The following ASAP1 variants were observed in gnomAD, a reference collection of about 807,000 sequenced individuals.
ASAP1 encodes arf-GAP with SH3 domain, ANK repeat and PH domain-containing protein 1.
ASAP1 carries 43 observed loss-of-function variants against 145.2 expected under a neutral mutation model. The observed-to-expected ratio is 0.30, with a 90% CI of 0.23 to 0.38. The LOEUF (loss-of-function observed/expected upper bound fraction) is 0.38, where lower values mean the gene tolerates loss of function less well. Among genes scored for constraint, ASAP1 ranks in the 10% least tolerant of loss-of-function variants. ASAP1 has a pLI of 1.00. For synonymous variants in ASAP1, 546 were observed against 515.5 expected (o/e 1.06, Z -0.80); for missense variants, 1,018 against 1,355.3 (o/e 0.75, Z 3.91).
At position 130,331,474 on chromosome 8, in the gene ASAP1, G is replaced by A. The variant is rs73417906; in HGVS notation, c.186+26543C>T. 3.0e-3 allele frequency among the ~76,000 whole-genome samples: 463 copies of A among 152,324 alleles called. 1 individual carries two copies. The highest frequency in any genetic ancestry group is 0.011 in the African/African-American group (447 of 41,560). On this transcript the variant is annotated intron_variant, in intron 3 of 29. Transcript: ENST00000518721. ...GGGCCCAGAATGTTAAGTAAAGCAA[G>A]TCACACAGTTGCTTAGTCCACAGAC...
intron 18 of ASAP1, 60 bp downstream of exon 18, chr8:130,123,953 A>T: frequency 7.9e-7 from 1 of 1,268,954 alleles, no homozygotes; most frequent in Non-Finnish European, 1.1e-6. Context: ...AGTTTTTTGG[A>T]AGGGTAGAAA....
intron 3 of ASAP1, among the ~76,000 whole-genome samples, chr8:130,328,611 CTT>C (rs35169399): frequency 2.4e-4 from 33 of 137,378 alleles, no homozygotes; most frequent in Admixed American, 3.6e-4. Flanking sequence ...CTCAGTAGTT[CTT>C]TTTTTTTTTT....
At chr8:130,264,773 G>T (rs978270974) in intron 3 of ASAP1, among the ~76,000 whole-genome samples, 1 of 152,088 alleles carries the variant, frequency 6.6e-6, no homozygotes, top group African/African-American at 2.4e-5. Flanking sequence ...GACAGTGCTG[G>T]TGCATCACAA....
chr8:130,088,248 A>T (rs1350804727), intron 25 of ASAP1, among the ~76,000 whole-genome samples: 1 of 152,126 alleles, frequency 6.6e-6, no homozygotes, highest in East Asian at 1.9e-4. Flanking sequence ...CTCCTGTCTT[A>T]GCCTCCCGAG....
intron 2 of ASAP1, among the ~76,000 whole-genome samples, chr8:130,381,096 G>A (rs371665980): frequency 6.6e-6 from 1 of 152,122 alleles, no homozygotes; most frequent in Non-Finnish European, 1.5e-5. Context: ...ATGTCGTCCA[G>A]GCTGGTCTTG....
At chr8:130,314,449 G>A (rs560480136) in intron 3 of ASAP1, among the ~76,000 whole-genome samples, 6 of 152,320 alleles carry the variant, frequency 3.9e-5, no homozygotes, top group African/African-American at 1.4e-4. Flanking sequence ...AGGGAACTGA[G>A]GTTTGCAGAG....
chr8:130,147,948 G>A (rs2097636375), intron 13 of ASAP1, among the ~76,000 whole-genome samples: 1 of 152,350 alleles, frequency 6.6e-6, no homozygotes, highest in Admixed American at 6.5e-5. Flanking sequence ...CGTTGTAAGT[G>A]TTAATCATAA....
At chr8:130,233,917 A>G (rs1294435699) in intron 4 of ASAP1, among the ~76,000 whole-genome samples, 2 of 152,242 alleles carry the variant, frequency 1.3e-5, no homozygotes, top group Non-Finnish European at 2.9e-5. Flanking sequence ...CAAAAAACTC[A>G]TAGGCCAGTG....
chr8:130,330,883 C>T (rs1477526363), intron 3 of ASAP1, among the ~76,000 whole-genome samples: 2 of 152,162 alleles, frequency 1.3e-5, no homozygotes, highest in South Asian at 2.1e-4. Flanking sequence ...CCCAATTCTA[C>T]GATTCTCTGG....
chr8:130,248,322 G>C (rs999647876), intron 3 of ASAP1, among the ~76,000 whole-genome samples: 2 of 152,164 alleles, frequency 1.3e-5, no homozygotes, highest in Non-Finnish European at 2.9e-5. Context: ...TAGGTGTGGG[G>C]ATACCTGGTG....
chr8:130,443,189 T>C (rs1830549571), intron 1 of ASAP1, among the ~76,000 whole-genome samples: 1 of 149,790 alleles, frequency 6.7e-6, no homozygotes, highest in African/African-American at 2.5e-5. Flanking sequence ...AGGGGCCCCC[T>C]CTCCCGAGCT....
At chr8:130,091,905 A>T (rs2097506286) in intron 25 of ASAP1, 68 bp downstream of exon 25, 4 of 1,437,184 alleles carry the variant, frequency 2.8e-6, no homozygotes, top group Non-Finnish European at 3.7e-6. Context: ...CTAACAGGCC[A>T]CTGCCCAGTG....
At chr8:130,127,309 T>C (rs1005369772) in intron 16 of ASAP1, among the ~76,000 whole-genome samples, 1 of 152,150 alleles carries the variant, frequency 6.6e-6, no homozygotes, top group Admixed American at 6.5e-5. Flanking sequence ...CTCTGCCTCC[T>C]GGGTTCAAAT....
Position 130,116,823 on chromosome 8 carries a change from A to G in ASAP1, c.1996+57T>C, listed in dbSNP as rs911522482. ...AGGCAAGGAACAATAATCAAATTAC[A>G]ATGTACCATGCAACACACGCTTACT... On this transcript the variant is annotated intron_variant, in intron 21 of 29. Coordinates refer to ENST00000518721, the MANE Select transcript of ASAP1 (RefSeq NM_018482.4). 11 of 1,578,162 alleles carry G rather than the reference A, an allele frequency of 7.0e-6. No homozygotes were observed. The African/African-American group carries it at 1.2e-4, about 17-fold the overall frequency.
chr8:130,180,895 A>G lies in ASAP1; in HGVS notation c.531-15T>C. 6.4e-7 allele frequency: 1 copy of G among 1,555,274 alleles called. No individual in the cohort carries two copies. Among genetic ancestry groups the G allele is most frequent in the East Asian group, 2.3e-5 (1 of 43,334 alleles). On this transcript the variant is annotated splice_polypyrimidine_tract_variant and intron_variant, in intron 7 of 29. Coordinates refer to ENST00000518721, the MANE Select transcript of ASAP1 (RefSeq NM_018482.4). ...CAATTTTTGTACTGTAATTAAAGCC[A>G]ATGTCATTATTTAAAAAAAAAAAAT...
intron 3 of ASAP1, among the ~76,000 whole-genome samples, chr8:130,326,896 A>T (rs1824370280): frequency 1.3e-5 from 2 of 152,148 alleles, no homozygotes; most frequent in African/African-American, 4.8e-5. Flanking sequence ...TTATTTCGCA[A>T]GTCATCTTAA....
Position 130,137,044 on chromosome 8 carries a change from A to C in ASAP1, c.1081-6T>G, listed in dbSNP as rs572173605. The C allele has an allele frequency of 6.2e-7, 1 of 1,613,056 alleles. No homozygotes were observed. Among genetic ancestry groups the C allele is most frequent in the East Asian group, 2.2e-5 (1 of 44,884 alleles). ...TTGGCTGGTTGCCTGTTAGACTGGA[A>C]AAAAAGAGAAAATGGAGAAGTTACA... is the stretch of plus-strand genomic sequence containing the variant. On this transcript the variant is annotated splice_polypyrimidine_tract_variant and splice_region_variant and intron_variant, in intron 13 of 29. Transcript: ENST00000518721.
At chr8:130,060,524 C>T in intron 28 of ASAP1, 55 bp downstream of exon 28, 1 of 1,527,958 alleles carries the variant, frequency 6.5e-7, no homozygotes. Flanking sequence ...GCCCTCCCAC[C>T]AACTTGCAAA....
chr8:130,057,412 A>G (rs918570812), intron 29 of ASAP1, among the ~76,000 whole-genome samples: 2 of 152,200 alleles, frequency 1.3e-5, no homozygotes, highest in African/African-American at 4.8e-5. Context: ...AGTACATACA[A>G]ATGTTAATTC....
Sources: allele counts gnomAD v4.1 joint callset (sites outside exome capture counted in the v4.1 genomes callset), GRCh38; gene constraint gnomAD v4.1.1; transcripts MANE v1.5; gene names NCBI Gene and HGNC (gene_info 2026-07-23, HGNC 2026-07-21).